Variants in CEP128 observed in about 807,000 individuals in gnomAD.
The protein encoded by CEP128 is centrosomal protein 128kDa.
A neutral mutation model predicts 156.7 loss-of-function variants in CEP128; 132 were observed. The ratio of observed to expected loss-of-function variants is 0.84; its 90% CI spans 0.73 to 0.97. CEP128 has a LOEUF of 0.97. Among genes scored for constraint, CEP128 ranks in the 50% least tolerant of loss-of-function variants. The probability of loss-of-function intolerance (pLI) is 0.00; values close to 1 mark genes in which losing one functional copy is unlikely to be tolerated. For missense variants in CEP128, 1,252 were observed against 1,281.9 expected, an observed-to-expected ratio of 0.98 and a Z score of 0.36; for synonymous variants, 469 against 448.9, an observed-to-expected ratio of 1.04 and a Z score of -0.57.
rs1294108404 is a variant in CEP128 at position 80,878,593 on chromosome 14, G to A, written c.646-15720C>T. On this transcript the variant is annotated intron_variant, in intron 8 of 24. Coordinates refer to ENST00000555265, the MANE Select transcript of CEP128 (RefSeq NM_152446.5). Reference sequence around the variant, plus strand: ...CCCTGTTGGTTCTAGGTCCCAAATTGCAGTTGTGCCCAACCCCAGGGCCTG... The same window carrying A: ...CCCTGTTGGTTCTAGGTCCCAAATTACAGTTGTGCCCAACCCCAGGGCCTG... Among the ~76,000 whole-genome samples, 5 of 152,100 alleles carry A rather than the reference G, an allele frequency of 3.3e-5. No homozygotes were observed. In the East Asian group the frequency reaches 9.6e-4, roughly 29 times the overall value.
intron 19 of CEP128, among the ~76,000 whole-genome samples, chr14:80,681,620 G>T (rs1039786556): frequency 4.6e-5 from 7 of 152,132 alleles, no homozygotes; most frequent in African/African-American, 1.7e-4. Flanking sequence ...ATGAGGTGAT[G>T]GTTTTATAAG....
chr14:80,761,233 C>A (rs141227218), intron 17 of CEP128, among the ~76,000 whole-genome samples: 14 of 151,134 alleles, frequency 9.3e-5, no homozygotes, highest in African/African-American at 2.7e-4. Context: ...TGAGACACAG[C>A]CAATTCAATG....
At chr14:80,799,808 CG>C (rs1883729494) in intron 13 of CEP128, among the ~76,000 whole-genome samples, 1 of 152,110 alleles carries the variant, frequency 6.6e-6, no homozygotes, top group Non-Finnish European at 1.5e-5. Flanking sequence ...TCTCTGCTCT[CG>C]AACCCTGTTT....
At chr14:80,867,614 A>G (rs1887828882) in intron 8 of CEP128, among the ~76,000 whole-genome samples, 1 of 152,148 alleles carries the variant, frequency 6.6e-6, no homozygotes, top group Admixed American at 6.6e-5. Context: ...CTTGAAGCAA[A>G]CTAGATCATG....
chr14:80,599,197 G>A (rs1892472241), intron 19 of CEP128, among the ~76,000 whole-genome samples: 1 of 151,542 alleles, frequency 6.6e-6, no homozygotes, highest in Admixed American at 6.6e-5. Flanking sequence ...TCCTCTTTGA[G>A]GTTAACACCT....
intron 23 of CEP128, among the ~76,000 whole-genome samples, chr14:80,510,828 G>T (rs1226834498): frequency 6.6e-6 from 1 of 151,666 alleles, no homozygotes; most frequent in Non-Finnish European, 1.5e-5. Context: ...TATCATGAAG[G>T]ATGTTTATCA....
At chr14:80,692,220 G>A (rs1382988474) in intron 19 of CEP128, among the ~76,000 whole-genome samples, 4 of 152,092 alleles carry the variant, frequency 2.6e-5, no homozygotes, top group Non-Finnish European at 5.9e-5. Context: ...TATAAGAGTT[G>A]GTGGAGTGAG....
chr14:80,703,615 C>T (rs957085906), intron 19 of CEP128, among the ~76,000 whole-genome samples: 1 of 151,860 alleles, frequency 6.6e-6, no homozygotes, highest in Non-Finnish European at 1.5e-5. Context: ...ACTTTTTAAG[C>T]TTATTATTGT....
At chr14:80,599,696 C>T (rs1333387290) in intron 19 of CEP128, among the ~76,000 whole-genome samples, 1 of 151,718 alleles carries the variant, frequency 6.6e-6, no homozygotes. Flanking sequence ...TAGAAAGCCC[C>T]GATGTTAGAA....
In CEP128 at chr14:80,840,582, A is replaced by G. The variant is rs1447346652; in HGVS notation, c.849+100T>C. The G allele has an allele frequency of 4.3e-6, 3 of 693,990 alleles. No individual in the cohort carries two copies. The African/African-American group carries it at 5.4e-5, about 13-fold the overall frequency. The allele number at this position is 693,990 out of a possible 1,614,324, so 43.0% of individuals were successfully genotyped here. On this transcript the variant is annotated intron_variant, in intron 10 of 24. Transcript: ENST00000555265. ...CCACATAGAAAGATAAAGAACTCAC[A>G]ATGTTCTAAAGGATCCTGGGGACAC...
chr14:80,768,024 T>C (rs1023015098), intron 16 of CEP128, among the ~76,000 whole-genome samples: 1 of 152,186 alleles, frequency 6.6e-6, no homozygotes, highest in African/African-American at 2.4e-5. Context: ...TTCATAAATC[T>C]TGCTAAAACA....
chr14:80,611,460 T>G (rs1272237565), intron 19 of CEP128, among the ~76,000 whole-genome samples: 1 of 152,116 alleles, frequency 6.6e-6, no homozygotes, highest in Non-Finnish European at 1.5e-5. Flanking sequence ...ACTACATAGA[T>G]AATTCAATTT....
At chr14:80,880,567 C>T (rs1410577474) in intron 8 of CEP128, among the ~76,000 whole-genome samples, 2 of 151,948 alleles carry the variant, frequency 1.3e-5, no homozygotes, top group Non-Finnish European at 2.9e-5. Flanking sequence ...ACATCAAAAA[C>T]CCCAAAGATT....
At chr14:80,676,870 A>T (rs1391320052) in intron 19 of CEP128, among the ~76,000 whole-genome samples, 1 of 152,186 alleles carries the variant, frequency 6.6e-6, no homozygotes, top group Non-Finnish European at 1.5e-5. Context: ...ATCTGGGACA[A>T]AGCCAACCTG....
intron 20 of CEP128, among the ~76,000 whole-genome samples, chr14:80,572,970 T>A (rs1891208074): frequency 6.6e-6 from 1 of 152,240 alleles, no homozygotes; most frequent in Non-Finnish European, 1.5e-5. Flanking sequence ...TTGGCCAGGC[T>A]AGAGTGCAAT....
chr14:80,939,738 C>G (rs1212281001), intron 1 of CEP128, among the ~76,000 whole-genome samples, 198 bp from the exon 2 acceptor site: 1 of 152,202 alleles, frequency 6.6e-6, no homozygotes, highest in African/African-American at 2.4e-5. Flanking sequence ...CATATTGTCA[C>G]TGGTGACTTC....
chr14:80,785,157 T>C lies in CEP128; in HGVS notation c.1949A>G (p.Lys650Arg), dbSNP rs1197884639. 1 of 1,614,048 alleles carries C rather than the reference T, an allele frequency of 6.2e-7. No individual in the cohort carries two copies. The highest frequency in any genetic ancestry group is 8.5e-7 in the Non-Finnish European group (1 of 1,180,006). ...LSAIRADLAN[K>R]LAEEERAKKA... is the part of the protein sequence containing the mutation. ...CTTGGCTCTCTCTTCCTCAGCCAAT[T>C]TATTAGCAAGATCTGCTCGGATGGC... The change falls in exon 15 of 25, where the codon AAA becomes AGA. Residue 650 changes from lysine to arginine, a missense_variant. Coordinates refer to ENST00000555265, the MANE Select transcript of CEP128 (RefSeq NM_152446.5).
Position 80,673,705 on chromosome 14 carries a change from C to T in CEP128, c.2806+69370G>A, listed in dbSNP as rs1170067686. Among the ~76,000 whole-genome samples, 5 of 137,860 alleles carry T rather than the reference C, an allele frequency of 3.6e-5. No individual in the cohort carries two copies. The East Asian group carries it at 6.7e-4, about 19-fold the overall frequency. The allele number at this position is 137,860 out of a possible 152,430, so 90.4% of individuals were successfully genotyped here. A position where few individuals can be genotyped will look rare whatever the true frequency, so the allele number is the denominator to read the frequency against. ...AGCAAAGGGATCTCACATTCGGAAA[C>T]GTAAAACCGCTTACAACCTATAATC... On this transcript the variant is annotated intron_variant, in intron 19 of 24. Coordinates refer to ENST00000555265, the MANE Select transcript of CEP128 (RefSeq NM_152446.5).
chr14:80,612,976 G>C (rs1893054756), intron 19 of CEP128, among the ~76,000 whole-genome samples: 1 of 151,168 alleles, frequency 6.6e-6, no homozygotes, highest in Non-Finnish European at 1.5e-5. Context: ...GAGTAGCTGG[G>C]ACTACAGGTG....
Sources: allele counts gnomAD v4.1 joint callset (sites outside exome capture counted in the v4.1 genomes callset), GRCh38; gene constraint gnomAD v4.1.1; transcripts MANE v1.5; gene names NCBI Gene and HGNC (gene_info 2026-07-23, HGNC 2026-07-21).